Variants in ROBO1 observed in about 807,000 individuals in gnomAD.
ROBO1 encodes the protein roundabout guidance receptor 1.
A neutral mutation model predicts 195.9 loss-of-function variants in ROBO1; 149 were observed. That is an observed-to-expected ratio of 0.76 (90% confidence interval 0.67 to 0.87). The LOEUF is 0.87. Ranked by LOEUF, ROBO1 falls within the 40% of genes least tolerant of loss-of-function variation. The pLI is 0.00. For missense variants in ROBO1, 1,933 were observed against 2,068.3 expected, an observed-to-expected ratio of 0.93 and a Z score of 1.27; for synonymous variants, 816 against 733.2, an observed-to-expected ratio of 1.11 and a Z score of -1.82.
In ROBO1 at chr3:79,230,887, A is replaced by G. The variant is rs763874201; in HGVS notation, c.89-105348T>C. On this transcript the variant is annotated intron_variant, in intron 2 of 30. Coordinates refer to ENST00000464233, the MANE Select transcript of ROBO1 (RefSeq NM_002941.4). ...AAAAACAGACACATAAACCAATGAG[A>G]CAGAATAGACAACCCAAAAATAAGA... Among the ~76,000 whole-genome samples, 69 of 152,170 alleles carry G rather than the reference A, an allele frequency of 4.5e-4. 1 individual carries two copies. The highest frequency in any genetic ancestry group is 1.3e-4 in the Non-Finnish European group (9 of 68,024).
intron 2 of ROBO1, among the ~76,000 whole-genome samples, chr3:79,395,321 C>CAAAAAAAAA (rs71631647): frequency 1.0e-4 from 5 of 50,136 alleles, no homozygotes; most frequent in African/African-American, 2.3e-4. Flanking sequence ...GACTCCGTCT[C>CAAAAAAAAA]AAAAAAAAAA....
intron 23 of ROBO1, among the ~76,000 whole-genome samples, chr3:78,634,748 A>G (rs987509430): frequency 2.6e-5 from 4 of 152,194 alleles, no homozygotes; most frequent in East Asian, 3.8e-4. Context: ...GTCTCGATCC[A>G]TATTTATTAA....
chr3:79,286,487 A>G (rs2031896249), intron 2 of ROBO1, among the ~76,000 whole-genome samples: 1 of 152,150 alleles, frequency 6.6e-6, no homozygotes, highest in South Asian at 2.1e-4. Context: ...TGCCACATAG[A>G]AGCAAATTGA....
At chr3:79,227,772 C>T (rs528747315) in intron 2 of ROBO1, among the ~76,000 whole-genome samples, 123 of 152,134 alleles carry the variant, frequency 8.1e-4, no homozygotes, top group African/African-American at 2.7e-3. Flanking sequence ...AAGAAACAAA[C>T]GGGTCAATAT....
At chr3:79,442,128 A>C (rs1258620864) in intron 2 of ROBO1, among the ~76,000 whole-genome samples, 2 of 152,158 alleles carry the variant, frequency 1.3e-5, no homozygotes, top group Non-Finnish European at 2.9e-5. Flanking sequence ...AATTCACAGA[A>C]GACTGCCTTA....
chr3:79,183,512 G>T (rs573153014), intron 2 of ROBO1, among the ~76,000 whole-genome samples: 14 of 152,302 alleles, frequency 9.2e-5, no homozygotes, highest in African/African-American at 2.9e-4. Flanking sequence ...ATAAATTCTG[G>T]TAAAAGCCCA....
intron 1 of ROBO1, among the ~76,000 whole-genome samples, chr3:79,734,325 A>C (rs1703287642): frequency 6.6e-6 from 1 of 152,212 alleles, no homozygotes; most frequent in Admixed American, 6.5e-5. Flanking sequence ...TCTAAAAAAC[A>C]TACAAAGCAA....
intron 2 of ROBO1, among the ~76,000 whole-genome samples, chr3:79,464,588 G>A (rs1393136859): frequency 6.6e-6 from 1 of 151,964 alleles, no homozygotes; most frequent in African/African-American, 2.4e-5. Flanking sequence ...GATCCTTTGT[G>A]CATTTAAAAA....
intron 21 of ROBO1, 70 bp downstream of exon 21, chr3:78,646,078 G>T: frequency 7.7e-7 from 1 of 1,290,694 alleles, no homozygotes; most frequent in Non-Finnish European, 1.1e-6. Flanking sequence ...AGAGAAAGTG[G>T]TGTCATTGAG....
chr3:78,866,950 T>C lies in ROBO1; in HGVS notation c.499+71651A>G, dbSNP rs559200964. On this transcript the variant is annotated intron_variant, in intron 4 of 30. Coordinates refer to ENST00000464233, the MANE Select transcript of ROBO1 (RefSeq NM_002941.4). ...AGAGTTTTAGACTGTAATAGATCCA[T>C]TTGTGCTTCAGTTACCACTAACCAA... 5.3e-5 allele frequency among the ~76,000 whole-genome samples: 8 copies of C among 152,318 alleles called. No individual in the cohort carries two copies. In the South Asian group the frequency reaches 1.7e-3, roughly 32 times the overall value.
chr3:78,913,005 G>A (rs963650973), intron 4 of ROBO1, among the ~76,000 whole-genome samples: 2 of 152,000 alleles, frequency 1.3e-5, no homozygotes, highest in Non-Finnish European at 2.9e-5. Context: ...ATGTAAAGAA[G>A]CACAGATTTT....
intron 21 of ROBO1, among the ~76,000 whole-genome samples, chr3:78,642,818 C>T (rs758133949): frequency 6.6e-6 from 1 of 152,108 alleles, no homozygotes; most frequent in Non-Finnish European, 1.5e-5. Context: ...GGAATAGCCA[C>T]ATTTGCAATG....
At chr3:79,552,595 T>C (rs1380268437) in intron 2 of ROBO1, among the ~76,000 whole-genome samples, 1 of 152,166 alleles carries the variant, frequency 6.6e-6, no homozygotes, top group Non-Finnish European at 1.5e-5. Flanking sequence ...AGTATAACCA[T>C]GTGGAAACAC....
At chr3:79,102,661 G>A (rs1454994410) in intron 3 of ROBO1, among the ~76,000 whole-genome samples, 1 of 151,766 alleles carries the variant, frequency 6.6e-6, no homozygotes, top group African/African-American at 2.4e-5. Context: ...GAGTTGGCAA[G>A]GTCCTTAGCA....
chr3:79,689,913 G>C (rs1364963774), intron 1 of ROBO1, among the ~76,000 whole-genome samples: 1 of 151,910 alleles, frequency 6.6e-6, no homozygotes, highest in African/African-American at 2.4e-5. Flanking sequence ...TTATAGGACA[G>C]TGTATAAGTT....
chr3:79,429,738 G>A (rs1324680962), intron 2 of ROBO1, among the ~76,000 whole-genome samples: 1 of 152,060 alleles, frequency 6.6e-6, no homozygotes, highest in African/African-American at 2.4e-5. Context: ...TCTTTGAACT[G>A]GCTACTCCAT....
intron 2 of ROBO1, among the ~76,000 whole-genome samples, chr3:79,519,319 G>C (rs977434948): frequency 2.6e-5 from 4 of 151,996 alleles, no homozygotes; most frequent in African/African-American, 9.7e-5. Context: ...TATTGATGGA[G>C]ACAGAAATAG....
intron 3 of ROBO1, among the ~76,000 whole-genome samples, chr3:79,043,186 A>C (rs982828100): frequency 6.6e-6 from 1 of 152,086 alleles, no homozygotes; most frequent in Non-Finnish European, 1.5e-5. Flanking sequence ...AGAAACCCAT[A>C]ATTGGAGGTT....
chr3:78,939,583 A>T (rs906887949), intron 3 of ROBO1, among the ~76,000 whole-genome samples: 2 of 151,084 alleles, frequency 1.3e-5, no homozygotes, highest in African/African-American at 2.4e-5. Context: ...GCGCCACTGC[A>T]CTCCAGCCTG....
Sources: gnomAD v4.1 joint callset for allele counts (sites outside exome capture counted in the v4.1 genomes callset) on GRCh38, gnomAD v4.1.1 for gene constraint, MANE v1.5 for transcripts, NCBI Gene and HGNC (gene_info 2026-07-23, HGNC 2026-07-21) for gene names.